EPHB2: variants seen among roughly 807,000 people sequenced by gnomAD.
EPHB2 encodes the protein ephrin type-B receptor 2.
In EPHB2, 18 loss-of-function variants were observed where a neutral mutation model predicts 96.4. The observed-to-expected ratio is 0.19, with a 90% CI of 0.13 to 0.28. The LOEUF is 0.28. Among genes scored for constraint, EPHB2 ranks in the 10% least tolerant of loss-of-function variants. EPHB2 has a pLI of 1.00. For missense variants in EPHB2, 989 were observed against 1,355.4 expected, an observed-to-expected ratio of 0.73 and a Z score of 4.25; for synonymous variants, 506 against 534.1, an observed-to-expected ratio of 0.95 and a Z score of 0.72.
At chr1:22,736,999 C>T (rs1222423530) in intron 1 of EPHB2, among the ~76,000 whole-genome samples, 1 of 152,190 alleles carries the variant, frequency 6.6e-6, no homozygotes, top group Admixed American at 6.5e-5. Flanking sequence ...CCCAGGCCTC[C>T]AGGTGTCTGC....
Position 22,915,559 on chromosome 1 carries a change from T to TGGGAGGGCAC in EPHB2, c.*1989_*1990insGGGAGGGCAC. On this transcript the variant is annotated 3_prime_UTR_variant, in exon 16 of 16. Coordinates refer to ENST00000374630, the MANE Select transcript of EPHB2 (RefSeq NM_017449.5). ...GTTGGAAGTGGCTCAGAACTCAGCC[T>TGGGAGGGCAC]TCGATGCCCTGGGAATCAGGGTGAG... The TGGGAGGGCAC allele has an allele frequency of 6.6e-6, 1 of 152,156 alleles. No homozygotes were observed. Among genetic ancestry groups the TGGGAGGGCAC allele is most frequent in the Non-Finnish European group, 1.5e-5 (1 of 68,056 alleles). 9.4% of individuals were successfully genotyped at this position (152,156 alleles called of 1,614,324 possible).
In EPHB2 at chr1:22,759,955, A is replaced by G. The variant is rs188867503; in HGVS notation, c.62-21466A>G. ...GGCTCAAGAACCTGCCCCGGATCCCACCCATGCAACATTCTCGCTGCCTGT... is the reference window on the plus strand; with the variant it reads ...GGCTCAAGAACCTGCCCCGGATCCCGCCCATGCAACATTCTCGCTGCCTGT... On this transcript the variant is annotated intron_variant, in intron 1 of 15. Coordinates refer to ENST00000374630, the MANE Select transcript of EPHB2 (RefSeq NM_017449.5). 2.4e-4 allele frequency among the ~76,000 whole-genome samples: 37 copies of G among 152,164 alleles called. No homozygotes were observed. In the East Asian group the frequency reaches 6.6e-3, roughly 27 times the overall value.
At position 22,868,067 on chromosome 1, in the gene EPHB2, C is replaced by T. The variant is rs559267165; in HGVS notation, c.1303+2855C>T. On this transcript the variant is annotated intron_variant, in intron 5 of 15. Coordinates refer to ENST00000374630, the MANE Select transcript of EPHB2 (RefSeq NM_017449.5). ...GCTCCTGGAGCCCTTTCCCTGGTTG[C>T]GGGGAACTCTCCTACATCCATTTGG... is the stretch of plus-strand genomic sequence containing the variant. Among the ~76,000 whole-genome samples the T allele has an allele frequency of 1.2e-4, 18 of 152,226 alleles. No homozygotes were observed. The South Asian group carries it at 2.9e-3, about 25-fold the overall frequency.
intron 1 of EPHB2, among the ~76,000 whole-genome samples, chr1:22,754,973 G>C (rs1442338171): frequency 6.7e-6 from 1 of 149,504 alleles, no homozygotes; most frequent in Non-Finnish European, 1.5e-5. Flanking sequence ...GAGGTGAGCC[G>C]AAGGGCCTGT....
At chr1:22,828,122 G>A (rs1308062954) in intron 3 of EPHB2, among the ~76,000 whole-genome samples, 1 of 152,138 alleles carries the variant, frequency 6.6e-6, no homozygotes, top group African/African-American at 2.4e-5. Context: ...GCCACTGATG[G>A]GCTATAGCCA....
chr1:22,787,672 G>A lies in EPHB2; in HGVS notation c.811+2596G>A, dbSNP rs545235721. On this transcript the variant is annotated intron_variant, in intron 3 of 15. Transcript: ENST00000374630. ...CTTAGGAGGCTGAGGTGGGAGGATC[G>A]CTTGAGGCTGTAGTGGGCTATGATT... Among the ~76,000 whole-genome samples the A allele has an allele frequency of 6.9e-4, 105 of 152,272 alleles. 1 individual carries two copies. The highest frequency in any genetic ancestry group is 2.4e-3 in the African/African-American group (100 of 41,546).
intron 1 of EPHB2, among the ~76,000 whole-genome samples, chr1:22,762,329 G>A (rs1004732521): frequency 2.0e-5 from 3 of 152,310 alleles, no homozygotes; most frequent in African/African-American, 7.2e-5. Flanking sequence ...ACTCCTTAGG[G>A]CTGCAGGACC....
At chr1:22,853,064 C>T (rs1645646365) in intron 3 of EPHB2, among the ~76,000 whole-genome samples, 2 of 152,240 alleles carry the variant, frequency 1.3e-5, no homozygotes, top group African/African-American at 4.8e-5. Flanking sequence ...AAGATTCCGC[C>T]TTTCGGCCGG....
At chr1:22,898,782 A>G (rs146121240) in intron 9 of EPHB2, among the ~76,000 whole-genome samples, 8 of 152,310 alleles carry the variant, frequency 5.3e-5, no homozygotes, top group Admixed American at 6.5e-5. Context: ...GGATTCTGAC[A>G]TATTTCAAAA....
chr1:22,769,223 A>G (rs1644346596), intron 1 of EPHB2, among the ~76,000 whole-genome samples: 1 of 152,210 alleles, frequency 6.6e-6, no homozygotes, highest in Admixed American at 6.5e-5. Context: ...GCCAGGTTCC[A>G]GGGCCACAGA....
At position 22,865,074 on chromosome 1, in the gene EPHB2, A is replaced by T; in HGVS notation, c.1165A>T (p.Thr389Ser). ...VQYAPRQLGLTEPRIYISDLL... is the reference protein window; with the variant it reads ...VQYAPRQLGLSEPRIYISDLL... ...GTACGCACCACGCCAGCTAGGCCTGACCGAGCCACGCATTTACATCAGTGA... is the reference window on the plus strand; with the variant it reads ...GTACGCACCACGCCAGCTAGGCCTGTCCGAGCCACGCATTTACATCAGTGA... The change falls in exon 5 of 16, where the codon ACC becomes TCC. Residue 389 changes from threonine (T) to serine (S), a missense_variant. Physicochemically the swap from Thr to Ser is moderately conservative, Grantham distance 58 (BLOSUM62 1). Coordinates refer to ENST00000374630, the MANE Select transcript of EPHB2 (RefSeq NM_017449.5). 6.2e-7 allele frequency: 1 copy of T among 1,614,214 alleles called. No homozygotes were observed.
chr1:22,787,573 G>T (rs1385113012), intron 3 of EPHB2, among the ~76,000 whole-genome samples: 2 of 152,138 alleles, frequency 1.3e-5, no homozygotes, highest in Non-Finnish European at 2.9e-5. Context: ...AACATAGTGA[G>T]ACCCTGTCTC....
chr1:22,862,076 G>A (rs1371919989), intron 3 of EPHB2, among the ~76,000 whole-genome samples: 1 of 152,260 alleles, frequency 6.6e-6, no homozygotes, highest in Non-Finnish European at 1.5e-5. Flanking sequence ...GAGAGGGGCA[G>A]GGCCTAGACC....
intron 3 of EPHB2, among the ~76,000 whole-genome samples, chr1:22,798,347 A>G (rs1644796588): frequency 6.6e-6 from 1 of 152,170 alleles, no homozygotes; most frequent in African/African-American, 2.4e-5. Flanking sequence ...TGGCTGGGAT[A>G]GATGTTTCTA....
chr1:22,821,418 A>G (rs1164123356), intron 3 of EPHB2, among the ~76,000 whole-genome samples: 3 of 152,184 alleles, frequency 2.0e-5, no homozygotes, highest in African/African-American at 7.2e-5. Context: ...TGATGTTTAG[A>G]TGGAAATTTA....
intron 9 of EPHB2, among the ~76,000 whole-genome samples, chr1:22,905,523 C>T (rs1433766717): frequency 6.6e-6 from 1 of 152,172 alleles, no homozygotes; most frequent in East Asian, 1.9e-4. Context: ...CTCTCCTTAG[C>T]AGAACCCCAA....
intron 3 of EPHB2, among the ~76,000 whole-genome samples, chr1:22,829,743 G>A (rs1011578434): frequency 9.9e-5 from 15 of 152,168 alleles, no homozygotes; most frequent in South Asian, 8.3e-4. Context: ...AGGGCATCAC[G>A]GAGGGCTTCC....
chr1:22,842,677 C>G (rs1645486840), intron 3 of EPHB2, among the ~76,000 whole-genome samples: 1 of 152,200 alleles, frequency 6.6e-6, no homozygotes, highest in Non-Finnish European at 1.5e-5. Context: ...TCCTCCTGCT[C>G]TGCCCTGTTT....
At chr1:22,835,996 T>A (rs1229998778) in intron 3 of EPHB2, 3 of 151,560 alleles carry the variant, frequency 2.0e-5, no homozygotes, top group African/African-American at 7.3e-5. Flanking sequence ...CCTTGACACA[T>A]CCATCCCAGA....
Sources: allele counts gnomAD v4.1 joint callset (sites outside exome capture counted in the v4.1 genomes callset), GRCh38; gene constraint gnomAD v4.1.1; transcripts MANE v1.5; gene names NCBI Gene and HGNC (gene_info 2026-07-23, HGNC 2026-07-21).